SNTG2: variants seen among roughly 807,000 people sequenced by gnomAD.
SNTG2 encodes the protein gamma-2-syntrophin.
Under a neutral mutation model 70.9 loss-of-function variants are expected in SNTG2, and 74 were observed. That is an observed-to-expected ratio of 1.04 (90% confidence interval 0.86 to 1.27). The LOEUF is 1.27. Ranked by LOEUF, SNTG2 falls within the 50% of genes most tolerant of loss-of-function variation. SNTG2 has a pLI of 0.00. For synonymous variants in SNTG2, 278 were observed against 273.8 expected (o/e 1.02, Z -0.15); for missense variants, 717 against 690.7 (o/e 1.04, Z -0.43).
At chr2:1,036,749 G>C (rs929740444) in intron 1 of SNTG2, among the ~76,000 whole-genome samples, 2 of 152,178 alleles carry the variant, frequency 1.3e-5, no homozygotes, top group Non-Finnish European at 2.9e-5. Flanking sequence ...TAATTATGTT[G>C]TTAAAATACG....
At chr2:990,118 G>T (rs1661442123) in intron 1 of SNTG2, among the ~76,000 whole-genome samples, 1 of 152,198 alleles carries the variant, frequency 6.6e-6, no homozygotes, top group Non-Finnish European at 1.5e-5. Context: ...CGCTTTTATT[G>T]CTGCCATCTT....
chr2:965,188 T>C (rs867737178), intron 1 of SNTG2, among the ~76,000 whole-genome samples: 1,181 of 54,586 alleles, frequency 0.022, 24 homozygotes, highest in Admixed American at 0.028. Context: ...CTCCTCCTGG[T>C]CCCCAGTCCT....
At chr2:1,044,858 T>C (rs1169680189) in intron 1 of SNTG2, among the ~76,000 whole-genome samples, 1 of 152,116 alleles carries the variant, frequency 6.6e-6, no homozygotes, top group East Asian at 1.9e-4. Context: ...TTTCTTTTTT[T>C]TGATGTGTCG....
At chr2:1,045,452 C>G (rs1202380679) in intron 1 of SNTG2, among the ~76,000 whole-genome samples, 1 of 151,072 alleles carries the variant, frequency 6.6e-6, no homozygotes, top group Non-Finnish European at 1.5e-5. Flanking sequence ...TTCTTTTTTT[C>G]TTTTTCAAGG....
At chr2:1,052,488 C>T (rs939276223) in intron 1 of SNTG2, among the ~76,000 whole-genome samples, 2 of 152,122 alleles carry the variant, frequency 1.3e-5, no homozygotes, top group African/African-American at 4.8e-5. Flanking sequence ...TCTGTGTGTT[C>T]TCTCCTTATT....
At chr2:1,232,460 G>T (rs1029316481) in intron 9 of SNTG2, among the ~76,000 whole-genome samples, 6 of 151,984 alleles carry the variant, frequency 3.9e-5, no homozygotes, top group Non-Finnish European at 5.9e-5. Context: ...ACCATGCCTG[G>T]CTATGTTTTG....
At chr2:1,173,012 T>C in intron 7 of SNTG2, 80 bp from the exon 8 acceptor site, 1 of 1,299,930 alleles carries the variant, frequency 7.7e-7, no homozygotes, top group Non-Finnish European at 1.1e-6. Flanking sequence ...CATGCACAGG[T>C]AGAACTGAAG....
intron 16 of SNTG2, among the ~76,000 whole-genome samples, chr2:1,319,869 G>A (rs1398368194): frequency 6.6e-6 from 1 of 152,180 alleles, no homozygotes; most frequent in African/African-American, 2.4e-5. Context: ...AACTCTAGAA[G>A]CTAATGCAAG....
intron 1 of SNTG2, among the ~76,000 whole-genome samples, chr2:964,361 C>T (rs1037108638): frequency 3.9e-5 from 6 of 152,260 alleles, no homozygotes; most frequent in Admixed American, 1.3e-4. Flanking sequence ...TCCGCCCCTT[C>T]GTGCCAGGGT....
intron 9 of SNTG2, among the ~76,000 whole-genome samples, chr2:1,221,493 C>A (rs1442120959): frequency 1.8e-4 from 3 of 16,812 alleles, no homozygotes; most frequent in African/African-American, 4.9e-4. Context: ...CTCTCTGTCT[C>A]TCTCTGTCTC....
chr2:1,277,657 T>A (rs1679322451), intron 14 of SNTG2, among the ~76,000 whole-genome samples: 1 of 152,154 alleles, frequency 6.6e-6, no homozygotes, highest in Non-Finnish European at 1.5e-5. Context: ...GCCTGTGAAT[T>A]TCAACATGAG....
Position 1,362,142 on chromosome 2 carries a change from A to G in SNTG2, c.1489-5201A>G, listed in dbSNP as rs74539471. 0.014 allele frequency among the ~76,000 whole-genome samples: 203 copies of G among 14,988 alleles called. 10 individuals carry two copies. In the East Asian group the frequency reaches 0.19, roughly 14 times the overall value. 9.8% of individuals were successfully genotyped at this position (14,988 alleles called of 152,430 possible). ...GAGCATTTCAGTAGAACTTCCACGA[A>G]GGTCACCGACCCTGAGCATTTCAGT... is the stretch of plus-strand genomic sequence containing the variant. On this transcript the variant is annotated intron_variant, in intron 16 of 16. Coordinates refer to ENST00000308624, the MANE Select transcript of SNTG2 (RefSeq NM_018968.4).
intron 4 of SNTG2, among the ~76,000 whole-genome samples, chr2:1,118,531 T>C (rs1371813143): frequency 6.6e-6 from 1 of 151,952 alleles, no homozygotes; most frequent in East Asian, 1.9e-4. Flanking sequence ...AAGGCACTAC[T>C]TAAAAATTAG....
chr2:1,185,232 G>T (rs1262438568), intron 8 of SNTG2, among the ~76,000 whole-genome samples: 1 of 152,200 alleles, frequency 6.6e-6, no homozygotes, highest in Non-Finnish European at 1.5e-5. Context: ...CACTGCTGTG[G>T]CTCTCAAAGG....
At chr2:1,119,052 A>T (rs574913023) in intron 4 of SNTG2, among the ~76,000 whole-genome samples, 6 of 152,320 alleles carry the variant, frequency 3.9e-5, no homozygotes, top group Admixed American at 3.9e-4. Context: ...CATATAAAGG[A>T]ATCTCCATTA....
At chr2:1,065,971 A>G (rs931410449) in intron 1 of SNTG2, among the ~76,000 whole-genome samples, 1 of 152,234 alleles carries the variant, frequency 6.6e-6, no homozygotes, top group Non-Finnish European at 1.5e-5. Context: ...TTTATATAGC[A>G]GTCACTTAGG....
chr2:1,091,928 G>A (rs1665054794), intron 2 of SNTG2, among the ~76,000 whole-genome samples: 1 of 152,142 alleles, frequency 6.6e-6, no homozygotes, highest in Non-Finnish European at 1.5e-5. Flanking sequence ...GGCTCCCTCA[G>A]CCTATTTAGG....
chr2:1,185,725 C>T (rs926024126), intron 8 of SNTG2, among the ~76,000 whole-genome samples: 4 of 152,190 alleles, frequency 2.6e-5, no homozygotes, highest in Admixed American at 1.3e-4. Context: ...AGCAGGGCCC[C>T]GGGCCTGGCC....
intron 1 of SNTG2, among the ~76,000 whole-genome samples, chr2:976,961 G>A (rs1660924601): frequency 6.6e-6 from 1 of 152,218 alleles, no homozygotes; most frequent in Non-Finnish European, 1.5e-5. Context: ...TCTGCTGGTG[G>A]GTAAGGCCAA....
Sources: allele counts gnomAD v4.1 joint callset (sites outside exome capture counted in the v4.1 genomes callset), GRCh38; gene constraint gnomAD v4.1.1; transcripts MANE v1.5; gene names NCBI Gene and HGNC (gene_info 2026-07-23, HGNC 2026-07-21).